Variants in ZNF462 observed in about 807,000 individuals in gnomAD.
The protein encoded by ZNF462 is zinc finger PBX1-interacting protein.
ZNF462 carries 10 observed loss-of-function variants against 201.9 expected under a neutral mutation model. The observed-to-expected ratio is 0.05, with a 90% CI of 0.03 to 0.08. The LOEUF (loss-of-function observed/expected upper bound fraction) is 0.08, where lower values mean the gene tolerates loss of function less well. Ranked by LOEUF, ZNF462 falls within the 10% of genes least tolerant of loss-of-function variation. ZNF462 has a pLI of 1.00. For synonymous variants in ZNF462, 1,227 were observed against 1,193.3 expected (o/e 1.03, Z -0.58); for missense variants, 2,523 against 3,168.3 (o/e 0.80, Z 4.89).
chr9:106,927,975 C>T lies in ZNF462; in HGVS notation c.4063C>T (p.Pro1355Ser). Residue 1355 changes from proline to serine, a missense_variant, in exon 3 of 13, where the codon CCA becomes TCA. Transcript: ENST00000277225. ...MATKLWAGPD[P>S]SPPSLTMPAE... ...TACTAAACTGTGGGCTGGGCCAGAC[C>T]CATCCCCTCCCTCTCTCACAATGCC... 1 of 1,614,118 alleles carries T rather than the reference C, an allele frequency of 6.2e-7. No individual in the cohort carries two copies. Among genetic ancestry groups the T allele is most frequent in the Non-Finnish European group, 8.5e-7 (1 of 1,180,030 alleles).
chr9:107,004,881 C>A (rs1588202674), intron 11 of ZNF462, among the ~76,000 whole-genome samples: 1 of 152,114 alleles, frequency 6.6e-6, no homozygotes, highest in Middle Eastern at 3.4e-3. Context: ...AAACCCCGAG[C>A]CCCTGGTAAC....
chr9:106,996,658 GTTGT>G (rs1272137960), intron 10 of ZNF462, among the ~76,000 whole-genome samples: 2 of 152,090 alleles, frequency 1.3e-5, no homozygotes, highest in Non-Finnish European at 2.9e-5. Flanking sequence ...TTTTGATGGG[GTTGT>G]TTGATTTTTT....
rs750966412 is a variant in ZNF462 at position 106,923,467 on chromosome 9, G to A, written c.84G>A (p.Thr28=). Residue 28 remains threonine, a synonymous_variant, in exon 2 of 13, where the codon ACG becomes ACA. Transcript: ENST00000277225. This position sits in a 1 kb window ranked among gnomAD's most constrained non-coding sequence, Gnocchi z 5.6. ...AGGCACACATTCAGGATGTCCACAC[G>A]GCATTTCTGCAGCCAACTGATGTTG... ...DLKAHIQDVH[T]AFLQPTDVAE... The A allele has an allele frequency of 5.0e-5, 81 of 1,614,064 alleles. No individual in the cohort carries two copies. In the African/African-American group the frequency reaches 9.7e-4, roughly 19 times the overall value.
Position 106,943,059 on chromosome 9 carries a change from CGTGTGTGTGTGTGT to C in ZNF462, c.6427+3973_6427+3986del, listed in dbSNP as rs3056311. 2.1e-5 allele frequency among the ~76,000 whole-genome samples: 3 copies of C among 143,154 alleles called. No individual in the cohort carries two copies. The Admixed American group carries it at 2.1e-4, about 10-fold the overall frequency. The allele number at this position is 143,154 out of a possible 152,430, so 93.9% of individuals were successfully genotyped here. Reference sequence around the variant, plus strand: ...GTAACATAGTTTTGTTTTGCGCGCGCGTGTGTGTGTGTGTGTGTGTGTGTGTGTGTGTGTTTGCT... The same window carrying C: ...GTAACATAGTTTTGTTTTGCGCGCGCGTGTGTGTGTGTGTGTGTGTTTGCT... On this transcript the variant is annotated intron_variant, in intron 7 of 12. Coordinates refer to ENST00000277225, the MANE Select transcript of ZNF462 (RefSeq NM_021224.6).
At chr9:106,991,416 A>G (rs1400271597) in intron 10 of ZNF462, among the ~76,000 whole-genome samples, 1 of 152,020 alleles carries the variant, frequency 6.6e-6, no homozygotes, top group East Asian at 1.9e-4. Context: ...AATTAATGCA[A>G]TATATACCAT....
Position 106,938,454 on chromosome 9 carries a change from A to T in ZNF462, c.6236-462A>T, listed in dbSNP as rs1291958016. On this transcript the variant is annotated intron_variant, in intron 6 of 12. Transcript: ENST00000277225. The surrounding 1 kb of genome is among the most constrained non-coding windows in gnomAD (Gnocchi z 4.4). ...GAATAGCACAACAGAGCTTGCACTGAATGACTTTGTGATTAAAAAGCCACT... is the reference window on the plus strand; with the variant it reads ...GAATAGCACAACAGAGCTTGCACTGTATGACTTTGTGATTAAAAAGCCACT... 2.0e-5 allele frequency among the ~76,000 whole-genome samples: 3 copies of T among 152,224 alleles called. No individual in the cohort carries two copies. The highest frequency in any genetic ancestry group is 4.4e-5 in the Non-Finnish European group (3 of 68,036).
Position 106,913,722 on chromosome 9 carries a change from C to T in ZNF462, c.-30-9632C>T, listed in dbSNP as rs866007072. On this transcript the variant is annotated intron_variant, in intron 1 of 12. Coordinates refer to ENST00000277225, the MANE Select transcript of ZNF462 (RefSeq NM_021224.6). This position sits in a 1 kb window ranked among gnomAD's most constrained non-coding sequence, Gnocchi z 4.1. ...AAACAGTTTTCCTGCCTCAGCCTCC[C>T]GAGTAGCTGGGATTACAGGCACCTG... Among the ~76,000 whole-genome samples the T allele has an allele frequency of 5.5e-5, 8 of 144,944 alleles. No individual in the cohort carries two copies. Among genetic ancestry groups the T allele is most frequent in the African/African-American group, 1.5e-4 (6 of 40,908 alleles).
chr9:106,927,393 G>A lies in ZNF462; in HGVS notation c.3481G>A (p.Glu1161Lys), dbSNP rs746021945. ...CACAGCTGCAATGATGAGAGGGGTCGAAGGGCCCCAAGGCTCCCCCCGGCC... is the reference window on the plus strand; with the variant it reads ...CACAGCTGCAATGATGAGAGGGGTCAAAGGGCCCCAAGGCTCCCCCCGGCC... ...PPTAAMMRGV[E>K]GPQGSPRPPA... Residue 1161 changes from glutamate to lysine, a missense_variant, in exon 3 of 13, where the codon GAA (glutamate) becomes AAA (lysine). Transcript: ENST00000277225. The A allele has an allele frequency of 1.4e-5, 22 of 1,613,768 alleles. No individual in the cohort carries two copies. The highest frequency in any genetic ancestry group is 5.5e-5 in the South Asian group (5 of 91,036).
At chr9:106,882,829 G>A (rs1410877487) in intron 1 of ZNF462, among the ~76,000 whole-genome samples, 1 of 152,196 alleles carries the variant, frequency 6.6e-6, no homozygotes. Context: ...AGTCTAAATG[G>A]ATGGTGGCAT....
rs1166686618 is a variant in ZNF462 at position 106,974,622 on chromosome 9, AG to A, written c.6832+350del. 2.6e-5 allele frequency: 9 copies of A among 348,730 alleles called. No homozygotes were observed. The highest frequency in any genetic ancestry group is 5.0e-5 in the Non-Finnish European group (9 of 180,856). 21.6% of individuals were successfully genotyped at this position (348,730 alleles called of 1,614,324 possible). A position where few individuals can be genotyped will look rare whatever the true frequency, so the allele number is the denominator to read the frequency against. ...ACAAGAAACAAAATGGGTGGGTGAAAGCAAATGTGAAATGTGGAGAGCTCTA... is the reference window on the plus strand; with the variant it reads ...ACAAGAAACAAAATGGGTGGGTGAAACAAATGTGAAATGTGGAGAGCTCTA... On this transcript the variant is annotated intron_variant, in intron 9 of 12. Coordinates refer to ENST00000277225, the MANE Select transcript of ZNF462 (RefSeq NM_021224.6). This position sits in a 1 kb window ranked among gnomAD's most constrained non-coding sequence, Gnocchi z 4.0.
rs1273978618 is a variant in ZNF462, at chr9:106,953,113, C to T, written c.6427+14006C>T. ...CCTTCTGCGATCTTATCTTCCAAAT[C>T]TCTTGGAAGGAAAAAACCAATAATC... On this transcript the variant is annotated intron_variant, in intron 7 of 12. Transcript: ENST00000277225. Among the ~76,000 whole-genome samples the T allele has an allele frequency of 5.3e-5, 8 of 152,208 alleles. No homozygotes were observed. In the East Asian group the frequency reaches 1.5e-3, roughly 29 times the overall value.
chr9:106,935,457 A>G lies in ZNF462; in HGVS notation c.6117-46A>G, dbSNP rs773997094. 21 of 1,571,236 alleles carry G rather than the reference A, an allele frequency of 1.3e-5. No individual in the cohort carries two copies. The highest frequency in any genetic ancestry group is 6.7e-5 in the Admixed American group (4 of 59,846). On this transcript the variant is annotated intron_variant, in intron 5 of 12. Transcript: ENST00000277225. This position sits in a 1 kb window ranked among gnomAD's most constrained non-coding sequence, Gnocchi z 4.1. ...AAGCAATGAGCAAATCCTCTATGCA[A>G]TTTTTAATTTTGTCATTTTTCTTTT...
intron 1 of ZNF462, 100 bp downstream of exon 1, chr9:106,863,455 A>G (rs1827144612): frequency 6.7e-6 from 2 of 297,730 alleles, no homozygotes; most frequent in Non-Finnish European, 1.2e-5. Context: ...TCATTCGGCC[A>G]AGGAGGGTTG....
In ZNF462 at chr9:106,923,584, C is replaced by T; in HGVS notation, c.201C>T (p.Ala67=). 6.2e-7 allele frequency: 1 copy of T among 1,614,204 alleles called. No individual in the cohort carries two copies. Among genetic ancestry groups the T allele is most frequent in the South Asian group, 1.1e-5 (1 of 91,068 alleles). The part of the protein sequence containing the change: ...VEFSSIKDEF[A]IAEDLSGQNA... ...TTTCTTCTATAAAGGATGAATTTGC[C>T]ATTGCAGAAGATTTATCAGGTAAAT... The change falls in exon 2 of 13, where the codon GCC becomes GCT. Residue 67 remains alanine, a synonymous_variant. Coordinates refer to ENST00000277225, the MANE Select transcript of ZNF462 (RefSeq NM_021224.6). This position sits in a 1 kb window ranked among gnomAD's most constrained non-coding sequence, Gnocchi z 5.6.
At chr9:106,952,121 C>G (rs1313671883) in intron 7 of ZNF462, among the ~76,000 whole-genome samples, 1 of 152,002 alleles carries the variant, frequency 6.6e-6, no homozygotes, top group East Asian at 1.9e-4. Flanking sequence ...GCTGCAGGCT[C>G]AAGTCCAGGA....
intron 7 of ZNF462, among the ~76,000 whole-genome samples, chr9:106,942,338 G>T (rs79306891): frequency 1.3e-5 from 2 of 152,268 alleles, no homozygotes; most frequent in East Asian, 3.9e-4. Flanking sequence ...AAATGAGAAG[G>T]TAGAGGGGAG....
intron 10 of ZNF462, among the ~76,000 whole-genome samples, chr9:106,996,042 A>G (rs975279861): frequency 2.0e-5 from 3 of 151,954 alleles, no homozygotes; most frequent in Non-Finnish European, 2.9e-5. Flanking sequence ...TTCAATTCCC[A>G]CCTATGAGTG....
intron 11 of ZNF462, among the ~76,000 whole-genome samples, chr9:107,004,403 T>C (rs1829405738): frequency 6.6e-6 from 1 of 152,128 alleles, no homozygotes; most frequent in African/African-American, 2.4e-5. Context: ...CCTGCTTGAA[T>C]TTGGTTTCCA....
Position 106,929,811 on chromosome 9 carries a change from G to T in ZNF462, c.5847+52G>T. On this transcript the variant is annotated intron_variant, in intron 3 of 12. Coordinates refer to ENST00000277225, the MANE Select transcript of ZNF462 (RefSeq NM_021224.6). The surrounding 1 kb of genome is among the most constrained non-coding windows in gnomAD (Gnocchi z 8.7). ...CCCCAGGAGGCCTCTCATCACTGGT[G>T]CCCACATGCACTTCTTCGTTGCCAG... is the stretch of plus-strand genomic sequence containing the variant. 6.6e-7 allele frequency: 1 copy of T among 1,510,530 alleles called. No individual in the cohort carries two copies. The highest frequency in any genetic ancestry group is 1.3e-5 in the South Asian group (1 of 78,442). The allele number at this position is 1,510,530 out of a possible 1,614,324, so 93.6% of individuals were successfully genotyped here. A position where few individuals can be genotyped will look rare whatever the true frequency, so the allele number is the denominator to read the frequency against.
Sources: gnomAD v4.1 joint callset for allele counts (sites outside exome capture counted in the v4.1 genomes callset) on GRCh38, gnomAD v4.1.1 for gene constraint, Gnocchi (gnomAD v3.1) non-coding constraint, MANE v1.5 for transcripts, NCBI Gene and HGNC (gene_info 2026-07-23, HGNC 2026-07-21) for gene names.